CDH4: variants seen among roughly 807,000 people sequenced by gnomAD.
CDH4 encodes cadherin 4, also known as cadherin-4.
A neutral mutation model predicts 86.0 loss-of-function variants in CDH4; 33 were observed. The observed-to-expected ratio is 0.38, with a 90% CI of 0.29 to 0.51. The LOEUF is 0.51. Among genes scored for constraint, CDH4 ranks in the 20% least tolerant of loss-of-function variants. CDH4 has a pLI of 0.86. For synonymous variants in CDH4, 555 were observed against 549.4 expected (o/e 1.01, Z -0.14); for missense variants, 1,114 against 1,307.4 (o/e 0.85, Z 2.28).
intron 2 of CDH4, among the ~76,000 whole-genome samples, chr20:61,604,831 G>A (rs140251710): frequency 0.011 from 1,682 of 152,224 alleles, 18 homozygotes; most frequent in African/African-American, 0.029. Context: ...TGCTATGGGC[G>A]TCACTTCAGG....
Position 61,252,861 on chromosome 20 carries a change from A to T in CDH4, c.57+291A>T, listed in dbSNP as rs1336489341. ...CGCCGAGCCTCCCTCGAACGCCCAA[A>T]GCCCGTAGCCGCTACCCGGAGCTCG... On this transcript the variant is annotated intron_variant, in intron 1 of 15. Coordinates refer to ENST00000614565, the MANE Select transcript of CDH4 (RefSeq NM_001794.5). This position sits in a 1 kb window ranked among gnomAD's most constrained non-coding sequence, Gnocchi z 4.4. Among the ~76,000 whole-genome samples, 1 of 151,760 alleles carries T rather than the reference A, an allele frequency of 6.6e-6. No individual in the cohort carries two copies. Among genetic ancestry groups the T allele is most frequent in the Non-Finnish European group, 1.5e-5 (1 of 67,900 alleles).
intron 6 of CDH4, among the ~76,000 whole-genome samples, chr20:61,857,987 GTGTGTGTCTC>G (rs542722789): frequency 1.5e-4 from 23 of 151,852 alleles, no homozygotes; most frequent in East Asian, 1.2e-3. Flanking sequence ...GTGTCTGAGT[GTGTGTGTCTC>G]TGTGTGTCTC....
At chr20:61,689,727 G>GTGATGTGGAATCA (rs2087630377) in intron 2 of CDH4, among the ~76,000 whole-genome samples, 1 of 149,490 alleles carries the variant, frequency 6.7e-6, no homozygotes, top group African/African-American at 2.5e-5. Flanking sequence ...ATGTGGAATA[G>GTGATGTGGAATCA]GGCTGGGACA....
At chr20:61,728,800 G>A (rs1018634628) in intron 2 of CDH4, among the ~76,000 whole-genome samples, 6 of 152,152 alleles carry the variant, frequency 3.9e-5, no homozygotes, top group Admixed American at 2.0e-4. Flanking sequence ...AAAATGTGAC[G>A]TTTTTAAGAG....
At chr20:61,863,224 G>A (rs574371580) in intron 6 of CDH4, among the ~76,000 whole-genome samples, 6 of 152,330 alleles carry the variant, frequency 3.9e-5, no homozygotes, top group Non-Finnish European at 8.8e-5. Context: ...CTGTTAGCAC[G>A]ATCCGTAAGG....
chr20:61,806,812 G>A lies in CDH4; in HGVS notation c.576+33630G>A, dbSNP rs150833200. ...GTTTTGCCACACACATGTGCACACC[G>A]TCTCTGTGAGTGGGAAGTGTCAGCA... On this transcript the variant is annotated intron_variant, in intron 4 of 15. Coordinates refer to ENST00000614565, the MANE Select transcript of CDH4 (RefSeq NM_001794.5). 4.0e-3 allele frequency among the ~76,000 whole-genome samples: 604 copies of A among 152,256 alleles called. 2 individuals are homozygous for A. The highest frequency in any genetic ancestry group is 0.013 in the African/African-American group (536 of 41,550).
At chr20:61,257,458 G>A (rs1003356586) in intron 2 of CDH4, among the ~76,000 whole-genome samples, 1 of 152,222 alleles carries the variant, frequency 6.6e-6, no homozygotes, top group Non-Finnish European at 1.5e-5. Flanking sequence ...TCCGAGAAGC[G>A]GAGCCGCGAA....
In CDH4 at chr20:61,669,425, A is replaced by T. The variant is rs181508534; in HGVS notation, c.170-74138A>T. Among the ~76,000 whole-genome samples, 5 of 152,346 alleles carry T rather than the reference A, an allele frequency of 3.3e-5. No individual in the cohort carries two copies. The East Asian group carries it at 9.7e-4, about 29-fold the overall frequency. On this transcript the variant is annotated intron_variant, in intron 2 of 15. Coordinates refer to ENST00000614565, the MANE Select transcript of CDH4 (RefSeq NM_001794.5). ...AGGGCCTTGGAGGGAGAATGCACCCAGGAGGGAACTTAGGGTTTATTCTCA... is the reference window on the plus strand; with the variant it reads ...AGGGCCTTGGAGGGAGAATGCACCCTGGAGGGAACTTAGGGTTTATTCTCA...
intron 4 of CDH4, among the ~76,000 whole-genome samples, chr20:61,841,381 G>A (rs1254020575): frequency 6.6e-6 from 1 of 152,238 alleles, no homozygotes; most frequent in East Asian, 1.9e-4. Context: ...AGAGGTGACA[G>A]GGAGAGGGGC....
chr20:61,834,984 G>A (rs984128545), intron 4 of CDH4, among the ~76,000 whole-genome samples: 2 of 152,248 alleles, frequency 1.3e-5, no homozygotes, highest in Non-Finnish European at 2.9e-5. Flanking sequence ...GGCTGGTGCT[G>A]TGTCGTCACA....
In CDH4 at chr20:61,928,144, G is replaced by A. The variant is rs775304895; in HGVS notation, c.1772-46G>A. ...CTGTGTGGAGCTGTGGGTTGGTCAT[G>A]GAGTACCAGGAGTGGCCCGTGTGGT... On this transcript the variant is annotated intron_variant, in intron 11 of 15. Coordinates refer to ENST00000614565, the MANE Select transcript of CDH4 (RefSeq NM_001794.5). 2.7e-6 allele frequency: 4 copies of A among 1,465,554 alleles called. No homozygotes were observed. In the African/African-American group the frequency reaches 5.5e-5, roughly 20 times the overall value. The allele number at this position is 1,465,554 out of a possible 1,614,324, so 90.8% of individuals were successfully genotyped here. A position where few individuals can be genotyped will look rare whatever the true frequency, so the allele number is the denominator to read the frequency against.
At chr20:61,496,487 C>T (rs2085663938) in intron 2 of CDH4, among the ~76,000 whole-genome samples, 1 of 152,168 alleles carries the variant, frequency 6.6e-6, no homozygotes, top group Non-Finnish European at 1.5e-5. Flanking sequence ...ATCCATTTTA[C>T]TTTTCAATGC....
At chr20:61,461,596 G>A (rs775683683) in intron 2 of CDH4, among the ~76,000 whole-genome samples, 1 of 152,274 alleles carries the variant, frequency 6.6e-6, no homozygotes, top group African/African-American at 2.4e-5. Flanking sequence ...CGGGACCCAC[G>A]TGGGAGTGGG....
At position 61,829,551 on chromosome 20, in the gene CDH4, C is replaced by T. The variant is rs1456062743; in HGVS notation, c.577-15117C>T. ...GGGTCACGCATGCAGCAGCTCTGCT[C>T]GCCTTTCTGGAGGCCACGAGCCTGT... is the stretch of plus-strand genomic sequence containing the variant. On this transcript the variant is annotated intron_variant, in intron 4 of 15. Coordinates refer to ENST00000614565, the MANE Select transcript of CDH4 (RefSeq NM_001794.5). The surrounding 1 kb of genome is among the most constrained non-coding windows in gnomAD (Gnocchi z 4.2). 6.6e-6 allele frequency among the ~76,000 whole-genome samples: 1 copy of T among 152,218 alleles called. No individual in the cohort carries two copies. Among genetic ancestry groups the T allele is most frequent in the Non-Finnish European group, 1.5e-5 (1 of 68,040 alleles).
chr20:61,647,556 T>TCTCTCTCTCC (rs1568731977), intron 2 of CDH4, among the ~76,000 whole-genome samples: 4 of 105,788 alleles, frequency 3.8e-5, no homozygotes, highest in African/African-American at 1.4e-4. Context: ...CCTCTCCCTC[T>TCTCTCTCTCC]CCCTCTCCCT....
Position 61,514,315 on chromosome 20 carries a change from G to T in CDH4, c.170-229248G>T, listed in dbSNP as rs113715122. On this transcript the variant is annotated intron_variant, in intron 2 of 15. Transcript: ENST00000614565. ...GTTCAGGCCTCAGTCCGCCCCCCCC[G>T]CCCCCCCCCACCCCCACCCCCGATG... is the stretch of plus-strand genomic sequence containing the variant. Among the ~76,000 whole-genome samples the T allele has an allele frequency of 5.0e-3, 586 of 118,186 alleles. 4 individuals are homozygous for T. Among genetic ancestry groups the T allele is most frequent in the Non-Finnish European group, 6.0e-3 (331 of 55,424 alleles). The allele number at this position is 118,186 out of a possible 152,430, so 77.5% of individuals were successfully genotyped here.
intron 2 of CDH4, among the ~76,000 whole-genome samples, chr20:61,576,214 A>C (rs2086381436): frequency 6.6e-6 from 1 of 152,308 alleles, no homozygotes; most frequent in South Asian, 2.1e-4. Flanking sequence ...GTGTGTGAAC[A>C]TAAAACAGTT....
At chr20:61,820,885 G>C (rs1980986411) in intron 4 of CDH4, among the ~76,000 whole-genome samples, 1 of 152,156 alleles carries the variant, frequency 6.6e-6, no homozygotes, top group Admixed American at 6.5e-5. Context: ...TCCACCTGGG[G>C]AAATATGACA....
At chr20:61,363,900 C>T (rs1208577685) in intron 2 of CDH4, among the ~76,000 whole-genome samples, 3 of 152,124 alleles carry the variant, frequency 2.0e-5, no homozygotes, top group Admixed American at 6.5e-5. Context: ...CAGTAGAACC[C>T]GTACTATGAT....
Sources: gnomAD v4.1 joint callset for allele counts (sites outside exome capture counted in the v4.1 genomes callset) on GRCh38, gnomAD v4.1.1 for gene constraint, Gnocchi (gnomAD v3.1) non-coding constraint, MANE v1.5 for transcripts, NCBI Gene and HGNC (gene_info 2026-07-23, HGNC 2026-07-21) for gene names.